The following EPHA3 variants were observed in gnomAD, a reference collection of about 807,000 sequenced individuals.
EPHA3 encodes ephrin type-A receptor 3.
In EPHA3, 42 loss-of-function variants were observed where a neutral mutation model predicts 107.1. The observed-to-expected ratio is 0.39, with a 90% CI of 0.31 to 0.51. EPHA3 has a LOEUF of 0.51. Among genes scored for constraint, EPHA3 ranks in the 20% least tolerant of loss-of-function variants. The probability of loss-of-function intolerance (pLI) is 0.78; values close to 1 mark genes in which losing one functional copy is unlikely to be tolerated. For synonymous variants in EPHA3, 461 were observed against 424.8 expected (o/e 1.09, Z -1.05); for missense variants, 1,183 against 1,211.2 (o/e 0.98, Z 0.35).
intron 1 of EPHA3, among the ~76,000 whole-genome samples, chr3:89,125,620 T>C (rs1395796096): frequency 6.6e-6 from 1 of 151,714 alleles, no homozygotes; most frequent in Non-Finnish European, 1.5e-5. Flanking sequence ...TTAATTTAAA[T>C]ACAATTACTT....
At chr3:89,128,139 T>C (rs550394845) in intron 2 of EPHA3, among the ~76,000 whole-genome samples, 1 of 152,254 alleles carries the variant, frequency 6.6e-6, no homozygotes, top group South Asian at 2.1e-4. Context: ...TTTCAAGAGA[T>C]TGTAATTACT....
intron 3 of EPHA3, among the ~76,000 whole-genome samples, chr3:89,304,152 A>G (rs1419627651): frequency 6.6e-6 from 1 of 151,946 alleles, no homozygotes; most frequent in East Asian, 1.9e-4. Flanking sequence ...TTTGGAACCA[A>G]CTGTGGTTTT....
chr3:89,146,919 A>G (rs1451303917), intron 2 of EPHA3, among the ~76,000 whole-genome samples: 2 of 151,920 alleles, frequency 1.3e-5, no homozygotes, highest in Non-Finnish European at 2.9e-5. Context: ...TTACAATAGA[A>G]AAACTTGGAA....
intron 3 of EPHA3, among the ~76,000 whole-genome samples, chr3:89,295,483 C>G (rs1288636420): frequency 1.3e-5 from 2 of 152,188 alleles, no homozygotes; most frequent in African/African-American, 4.8e-5. Flanking sequence ...ACAACATTTT[C>G]TCCACCATAG....
At chr3:89,272,272 AT>A (rs1002965597) in intron 3 of EPHA3, among the ~76,000 whole-genome samples, 16 of 146,582 alleles carry the variant, frequency 1.1e-4, no homozygotes, top group Non-Finnish European at 2.3e-4. Context: ...TTTGTACCAA[AT>A]GTATTACCAT....
At chr3:89,323,607 T>C (rs1160050998) in intron 3 of EPHA3, among the ~76,000 whole-genome samples, 1 of 152,150 alleles carries the variant, frequency 6.6e-6, no homozygotes, top group Non-Finnish European at 1.5e-5. Flanking sequence ...AAAAAGCTTA[T>C]ATTGGAGTTC....
intron 3 of EPHA3, among the ~76,000 whole-genome samples, chr3:89,229,979 T>G (rs890074170): frequency 2.0e-5 from 3 of 152,130 alleles, no homozygotes; most frequent in African/African-American, 7.2e-5. Flanking sequence ...TTCAATTGTT[T>G]ACACTCGAGG....
intron 16 of EPHA3, among the ~76,000 whole-genome samples, chr3:89,478,078 A>G (rs1184909456): frequency 6.6e-6 from 1 of 152,214 alleles, no homozygotes; most frequent in Admixed American, 6.5e-5. Context: ...CCTGAAAGAC[A>G]GGAATATATG....
chr3:89,416,621 T>A (rs542868101), intron 10 of EPHA3, among the ~76,000 whole-genome samples: 80 of 151,532 alleles, frequency 5.3e-4, no homozygotes, highest in South Asian at 1.2e-3. Context: ...ATTAAAAATA[T>A]AATTGAATTA....
chr3:89,143,799 C>G (rs761003764), intron 2 of EPHA3, among the ~76,000 whole-genome samples: 1 of 151,552 alleles, frequency 6.6e-6, no homozygotes, highest in Non-Finnish European at 1.5e-5. Context: ...GTTCCAGGAT[C>G]CAATCCAGGG....
intron 13 of EPHA3, among the ~76,000 whole-genome samples, chr3:89,447,344 C>A (rs543611400): frequency 6.6e-6 from 1 of 152,112 alleles, no homozygotes; most frequent in East Asian, 1.9e-4. Flanking sequence ...ATTCTTCCTG[C>A]TGATGGTGTT....
chr3:89,425,983 A>T (rs535483807), intron 11 of EPHA3, among the ~76,000 whole-genome samples: 1 of 151,564 alleles, frequency 6.6e-6, no homozygotes, highest in Non-Finnish European at 1.5e-5. Context: ...TTTTATCTAA[A>T]CTCATAAATC....
At chr3:89,133,337 C>T (rs1206137810) in intron 2 of EPHA3, among the ~76,000 whole-genome samples, 1 of 152,110 alleles carries the variant, frequency 6.6e-6, no homozygotes, top group Non-Finnish European at 1.5e-5. Context: ...AAAGGAATTG[C>T]GGTTTTGGAC....
intron 2 of EPHA3, among the ~76,000 whole-genome samples, chr3:89,205,413 G>GT (rs1428348058): frequency 6.6e-6 from 1 of 152,122 alleles, no homozygotes; most frequent in Non-Finnish European, 1.5e-5. Flanking sequence ...TATAAACTAA[G>GT]AGCCTCCTTA....
intron 1 of EPHA3, among the ~76,000 whole-genome samples, chr3:89,113,485 C>CAAA (rs753848304): frequency 0.13 from 4,126 of 30,938 alleles, 1,439 homozygotes; most frequent in Middle Eastern, 0.27. Flanking sequence ...TTCCTTTGTA[C>CAAA]AAAAAAAAAA....
At chr3:89,298,861 T>A (rs919304389) in intron 3 of EPHA3, among the ~76,000 whole-genome samples, 28 of 152,072 alleles carry the variant, frequency 1.8e-4, no homozygotes, top group Non-Finnish European at 4.0e-4. Context: ...AAAATAAGAA[T>A]AATTTATTGA....
At chr3:89,433,217 TTC>T (rs1709603097) in intron 13 of EPHA3, among the ~76,000 whole-genome samples, 1 of 152,142 alleles carries the variant, frequency 6.6e-6, no homozygotes, top group East Asian at 1.9e-4. Context: ...TTTCTCCATA[TTC>T]TCATCAGCTA....
At chr3:89,421,869 CTT>C (rs1386299862) in intron 11 of EPHA3, among the ~76,000 whole-genome samples, 1 of 151,006 alleles carries the variant, frequency 6.6e-6, no homozygotes, top group Non-Finnish European at 1.5e-5. Context: ...ACTAAAATGA[CTT>C]TTAAAAATTG....
intron 3 of EPHA3, among the ~76,000 whole-genome samples, chr3:89,260,230 A>G (rs1233355520): frequency 2.0e-5 from 3 of 152,178 alleles, no homozygotes; most frequent in East Asian, 1.9e-4. Flanking sequence ...TGGAAGTTCT[A>G]TTGTTAATTT....
Sources: gnomAD v4.1 joint callset for allele counts (sites outside exome capture counted in the v4.1 genomes callset) on GRCh38, gnomAD v4.1.1 for gene constraint, MANE v1.5 for transcripts, NCBI Gene and HGNC (gene_info 2026-07-23, HGNC 2026-07-21) for gene names.